Variants in TMEM25 observed in about 807,000 individuals in gnomAD.
TMEM25 encodes transmembrane protein 25.
Under a neutral mutation model 37.0 loss-of-function variants are expected in TMEM25, and 36 were observed. That is an observed-to-expected ratio of 0.97 (90% CI 0.75 to 1.28). TMEM25 has a LOEUF of 1.28. TMEM25 is among the 50% of genes most tolerant of loss of function. TMEM25 has a pLI of 0.00. For synonymous variants in TMEM25, 197 were observed against 203.7 expected (o/e 0.97, Z 0.28); for missense variants, 444 against 477.9 (o/e 0.93, Z 0.66).
chr11:118,533,591 GC>G (rs782525645), intron 5 of TMEM25, 40 bp downstream of exon 5: 1 of 1,612,844 alleles, frequency 6.2e-7, no homozygotes, highest in Non-Finnish European at 8.5e-7. Flanking sequence ...ATGAGGTCAG[GC>G]TGAGCAGCAG....
Position 118,534,790 on chromosome 11 carries a change from A to G in TMEM25, c.*210A>G. 7.1e-7 allele frequency: 1 copy of G among 1,405,064 alleles called. No homozygotes were observed. Among genetic ancestry groups the G allele is most frequent in the Non-Finnish European group, 9.3e-7 (1 of 1,079,712 alleles). The allele number at this position is 1,405,064 out of a possible 1,614,324, so 87.0% of individuals were successfully genotyped here. On this transcript the variant is annotated 3_prime_UTR_variant, in exon 9 of 9. Transcript: ENST00000313236. This position sits in a 1 kb window ranked among gnomAD's most constrained non-coding sequence, Gnocchi z 4.6. ...GGGCACAGGTATCTTTGGCAAGGCT[A>G]CCAGTTGGACGTAAGCCCCTCATGC...
chr11:118,533,048 G>C lies in TMEM25; in HGVS notation c.514G>C (p.Val172Leu), dbSNP rs1555060290. The C allele has an allele frequency of 6.2e-7, 1 of 1,614,200 alleles. No homozygotes were observed. Among genetic ancestry groups the C allele is most frequent in the Admixed American group, 1.7e-5 (1 of 60,026 alleles). Residue 172 changes from valine (V) to leucine (L), a missense_variant, in exon 4 of 9, where the codon GTG becomes CTG. Val to Leu is a conservative substitution (Grantham distance 32). Coordinates refer to ENST00000313236, the MANE Select transcript of TMEM25 (RefSeq NM_032780.4). ...NVTWIDQDGP[V>L]TVNTSDFLVL... ...CACCTGGATCGACCAGGATGGGCCA[G>C]TGACTGTCAACACCTCTGACTTCCT...
chr11:118,532,201 C>T lies in TMEM25; in HGVS notation c.122C>T (p.Ala41Val). 2.5e-6 allele frequency: 4 copies of T among 1,606,022 alleles called. No homozygotes were observed. Among genetic ancestry groups the T allele is most frequent in the Non-Finnish European group, 3.4e-6 (4 of 1,175,450 alleles). ...QIDGQTWAER[A>V]LRENERHAFT... ...GATGGTCAGACCTGGGCTGAGCGGG[C>T]ACTTCGGGAGAATGAACGCCACGCC... The change falls in exon 3 of 9, where the codon GCA becomes GTA. Residue 41 changes from alanine (A) to valine (V), a missense_variant. Coordinates refer to ENST00000313236, the MANE Select transcript of TMEM25 (RefSeq NM_032780.4).
At chr11:118,536,602 A>G (rs1951513822), downstream of TMEM25, among the ~76,000 whole-genome samples, 1 of 152,214 alleles carries the variant, frequency 6.6e-6, no homozygotes, top group African/African-American at 2.4e-5. Flanking sequence ...CTTCAGAAAA[A>G]TAAATAATAT....
chr11:118,535,066 C>T lies in TMEM25; in HGVS notation c.*486C>T. 9.8e-7 allele frequency: 1 copy of T among 1,023,758 alleles called. No individual in the cohort carries two copies. Among genetic ancestry groups the T allele is most frequent in the Non-Finnish European group, 1.2e-6 (1 of 853,940 alleles). The allele number at this position is 1,023,758 out of a possible 1,614,324, so 63.4% of individuals were successfully genotyped here. On this transcript the variant is annotated 3_prime_UTR_variant, in exon 9 of 9. Coordinates refer to ENST00000313236, the MANE Select transcript of TMEM25 (RefSeq NM_032780.4). The stretch of plus-strand genomic sequence containing the variant: ...CCCTCAGGTAAAATTTAGGACCCTG[C>T]TAGCTGTGCAGAACCCAATTGCCCT...
rs956521302 is a variant in TMEM25, at chr11:118,531,448, G to A, written c.-28+214G>A. 41 of 454,224 alleles carry A rather than the reference G, an allele frequency of 9.0e-5. 1 individual carries two copies. Among genetic ancestry groups the A allele is most frequent in the Middle Eastern group, 4.1e-4 (1 of 2,420 alleles). 28.1% of individuals were successfully genotyped at this position (454,224 alleles called of 1,614,324 possible). A position where few individuals can be genotyped will look rare whatever the true frequency, so the allele number is the denominator to read the frequency against. On this transcript the variant is annotated intron_variant, in intron 1 of 8. Coordinates refer to ENST00000313236, the MANE Select transcript of TMEM25 (RefSeq NM_032780.4). ...GAAAGGCGATCCCTTTGGGGGAGGGGCGCGTGGAGTATGTGTGTGAGTGTG... is the reference window on the plus strand; with the variant it reads ...GAAAGGCGATCCCTTTGGGGGAGGGACGCGTGGAGTATGTGTGTGAGTGTG...
rs1565333967 is a variant in TMEM25, at chr11:118,533,558, C to T, written c.805+7C>T. The T allele has an allele frequency of 6.2e-7, 1 of 1,613,874 alleles. No individual in the cohort carries two copies. The highest frequency in any genetic ancestry group is 2.2e-5 in the East Asian group (1 of 44,872). On this transcript the variant is annotated splice_region_variant and intron_variant, in intron 5 of 8. Coordinates refer to ENST00000313236, the MANE Select transcript of TMEM25 (RefSeq NM_032780.4). The stretch of plus-strand genomic sequence containing the variant: ...AAAGAGAAGAAAACCAAAGGTAGGC[C>T]AGGGACACTGGGGGCAGTGTGGATG...
Position 118,534,025 on chromosome 11 carries a change from G to A in TMEM25, c.837-4G>A, listed in dbSNP as rs1555061495. The A allele has an allele frequency of 1.2e-6, 2 of 1,614,090 alleles. No individual in the cohort carries two copies. The highest frequency in any genetic ancestry group is 1.3e-5 in the African/African-American group (1 of 75,008). On this transcript the variant is annotated splice_polypyrimidine_tract_variant and splice_region_variant and intron_variant, in intron 6 of 8. Transcript: ENST00000313236. The surrounding 1 kb of genome is among the most constrained non-coding windows in gnomAD (Gnocchi z 4.6). ...ATCCATCCCGAACTTTGTCCTCCCT[G>A]TAGTGACTCCAACAACCTAAAACTC...
chr11:118,539,805 GA>G (rs1398006172), downstream of TMEM25, among the ~76,000 whole-genome samples: 9 of 151,878 alleles, frequency 5.9e-5, no homozygotes, highest in African/African-American at 2.2e-4. Context: ...CAGATCACTT[GA>G]GGCCAGGAGT....
chr11:118,542,619 T>A (rs1313366735), intron 8 of TMEM25, among the ~76,000 whole-genome samples: 8 of 150,628 alleles, frequency 5.3e-5, no homozygotes, highest in African/African-American at 2.0e-4. Context: ...AAAATATATA[T>A]ATAAAAATTA....
chr11:118,533,243 AG>A (rs782153929), intron 4 of TMEM25, 36 bp downstream of exon 4: 37 of 1,564,326 alleles, frequency 2.4e-5, no homozygotes, highest in Admixed American at 1.9e-4. Context: ...GCAAAGCTTC[AG>A]GTGGGCTCAG....
At chr11:118,532,853 G>A (rs1555060010) in intron 3 of TMEM25, 64 bp from the exon 4 acceptor site, 1 of 1,549,184 alleles carries the variant, frequency 6.5e-7, no homozygotes, top group Non-Finnish European at 8.7e-7. Flanking sequence ...TCTGGGTTTG[G>A]GAAGAAAGGG....
chr11:118,533,794 G>C, intron 5 of TMEM25, 63 bp from the exon 6 acceptor site: 1 of 1,612,322 alleles, frequency 6.2e-7, no homozygotes, highest in Non-Finnish European at 8.5e-7. Flanking sequence ...GGTCTGAAAG[G>C]GTAGGACAGC....
chr11:118,542,470 CATAA>C (rs1951590770), intron 8 of TMEM25, among the ~76,000 whole-genome samples: 1 of 152,110 alleles, frequency 6.6e-6, no homozygotes, highest in Non-Finnish European at 1.5e-5. Context: ...AATAGCAAAT[CATAA>C]ATAAATATTG....
At chr11:118,545,841 TG>T in intron 8 of TMEM25, 2 of 1,614,112 alleles carry the variant, frequency 1.2e-6, no homozygotes, top group African/African-American at 2.7e-5. Context: ...ATCTCTGCCG[TG>T]GGCAGGCTTA....
At chr11:118,544,561 TACTC>T (rs1483190142) in intron 8 of TMEM25, 3 of 227,310 alleles carry the variant, frequency 1.3e-5, no homozygotes, top group Non-Finnish European at 2.6e-5. Context: ...ATAAAATCTT[TACTC>T]ACTAACTTTA....
chr11:118,539,693 A>G (rs971276386), downstream of TMEM25, among the ~76,000 whole-genome samples: 2 of 151,892 alleles, frequency 1.3e-5, no homozygotes, highest in Non-Finnish European at 2.9e-5. Context: ...GTAAGTTTTC[A>G]TTGGCTCTGT....
chr11:118,545,338 G>T, intron 8 of TMEM25: 1 of 1,131,586 alleles, frequency 8.8e-7, no homozygotes, highest in Non-Finnish European at 1.3e-6. Context: ...TGCAATCACA[G>T]CAGGCTCAGA....
At chr11:118,533,641 C>CT (rs782652076) in intron 5 of TMEM25, 90 bp downstream of exon 5, 1 of 1,605,870 alleles carries the variant, frequency 6.2e-7, no homozygotes, top group East Asian at 2.2e-5. Flanking sequence ...CCAGTCATCT[C>CT]TGACGGTGGC....
Sources: gnomAD v4.1 joint callset for allele counts (sites outside exome capture counted in the v4.1 genomes callset) on GRCh38, gnomAD v4.1.1 for gene constraint, Gnocchi (gnomAD v3.1) non-coding constraint, MANE v1.5 for transcripts, NCBI Gene and HGNC (gene_info 2026-07-23, HGNC 2026-07-21) for gene names.